CBLN2: variants seen among roughly 807,000 people sequenced by gnomAD.
The protein encoded by CBLN2 is cerebellin-2.
CBLN2 carries 7 observed loss-of-function variants against 15.0 expected under a neutral mutation model. The observed-to-expected ratio is 0.47, with a 90% confidence interval of 0.27 to 0.88. The LOEUF is 0.88. Among genes scored for constraint, CBLN2 ranks in the 40% least tolerant of loss-of-function variants. The probability of loss-of-function intolerance (pLI) is 0.14; values close to 1 mark genes in which losing one functional copy is unlikely to be tolerated. For missense variants in CBLN2, 242 were observed against 304.5 expected (o/e 0.79, Z 1.53); for synonymous variants, 149 against 135.2 (o/e 1.10, Z -0.71).
intron 1 of CBLN2, among the ~76,000 whole-genome samples, chr18:72,611,553 T>C (rs1399628468): frequency 1.3e-5 from 2 of 152,320 alleles, no homozygotes; most frequent in East Asian, 3.9e-4. Context: ...TTTTGAGAAG[T>C]GTCTGTTCAT....
intron 1 of CBLN2, among the ~76,000 whole-genome samples, chr18:72,636,869 T>A (rs2069816396): frequency 6.6e-6 from 1 of 152,116 alleles, no homozygotes; most frequent in South Asian, 2.1e-4. Context: ...ATAGCTCTTG[T>A]CATTCTTACT....
intron 1 of CBLN2, among the ~76,000 whole-genome samples, chr18:72,636,469 G>A (rs1398075980): frequency 6.6e-6 from 1 of 152,138 alleles, no homozygotes; most frequent in Admixed American, 6.5e-5. Context: ...AAAGCATCCA[G>A]GGTGAGGGAT....
chr18:72,550,718 T>A (rs576557704), intron 1 of CBLN2, among the ~76,000 whole-genome samples: 8 of 152,130 alleles, frequency 5.3e-5, no homozygotes, highest in African/African-American at 9.6e-5. Flanking sequence ...TTTTTTTTTT[T>A]AATTTTGTAA....
intron 1 of CBLN2, chr18:72,618,147 G>T (rs895558838): frequency 1.2e-4 from 19 of 161,178 alleles, no homozygotes; most frequent in Non-Finnish European, 2.6e-4. Context: ...TATATTATTG[G>T]TCTTTTCAAA....
rs1329501715 is a variant in CBLN2 at position 72,625,793 on chromosome 18, T to C, written c.15+12532A>G. Among the ~76,000 whole-genome samples, 13 of 46,244 alleles carry C rather than the reference T, an allele frequency of 2.8e-4. No individual in the cohort carries two copies. The Admixed American group carries it at 3.9e-3, about 14-fold the overall frequency. 30.3% of individuals were successfully genotyped at this position (46,244 alleles called of 152,430 possible). ...ATATGACTATATATATATGACTCTC[T>C]CTCTCTCTCTCTCTCTCTCTCTCTC... is the stretch of plus-strand genomic sequence containing the variant. On this transcript the variant is annotated intron_variant, in intron 1 of 2. Coordinates refer to the CBLN2 transcript ENST00000581073.
At chr18:72,570,600 T>C (rs2069325894) in intron 1 of CBLN2, among the ~76,000 whole-genome samples, 1 of 151,760 alleles carries the variant, frequency 6.6e-6, no homozygotes. Context: ...ACACATGCAT[T>C]TTTTTTTCCA....
intron 1 of CBLN2, among the ~76,000 whole-genome samples, chr18:72,631,296 T>C (rs2069774816): frequency 6.6e-6 from 1 of 152,160 alleles, no homozygotes. Context: ...GAAAGCTTGT[T>C]TCATTTTGTT....
intron 1 of CBLN2, among the ~76,000 whole-genome samples, chr18:72,590,037 G>C (rs777983781): frequency 6.6e-6 from 1 of 152,196 alleles, no homozygotes; most frequent in African/African-American, 2.4e-5. Context: ...GGAGGCCGAG[G>C]CGGGCAGATC....
chr18:72,621,023 A>G (rs1315904269), intron 1 of CBLN2, among the ~76,000 whole-genome samples: 2 of 152,202 alleles, frequency 1.3e-5, no homozygotes, highest in African/African-American at 4.8e-5. Flanking sequence ...TGGGTAAAAT[A>G]TTGTTAATAT....
chr18:72,557,798 T>C (rs2069235829), intron 1 of CBLN2, among the ~76,000 whole-genome samples: 1 of 152,124 alleles, frequency 6.6e-6, no homozygotes, highest in Admixed American at 6.5e-5. Flanking sequence ...AAATAGCTAA[T>C]GCATGCTCGA....
intron 1 of CBLN2, among the ~76,000 whole-genome samples, chr18:72,603,752 A>C (rs2069564558): frequency 6.6e-6 from 1 of 152,194 alleles, no homozygotes; most frequent in Non-Finnish European, 1.5e-5. Context: ...TGTATCATCA[A>C]AGAAAATCAA....
At position 72,542,228 on chromosome 18, in the gene CBLN2, G is replaced by A; in HGVS notation, c.-68C>T. ...CGGCGCGAGCGGCGCGGAAGGGCGC[G>A]AAGGAACGCGCGGAGCTCGCAGCAG... On this transcript the variant is annotated 5_prime_UTR_variant, in exon 3 of 5. Coordinates refer to ENST00000269503, the MANE Select transcript of CBLN2 (RefSeq NM_182511.4). 2 of 1,065,196 alleles carry A rather than the reference G, an allele frequency of 1.9e-6. No homozygotes were observed. Among genetic ancestry groups the A allele is most frequent in the Non-Finnish European group, 2.3e-6 (2 of 856,300 alleles). 66.0% of individuals were successfully genotyped at this position (1,065,196 alleles called of 1,614,324 possible).
At chr18:72,580,358 C>T (rs970909526) in intron 1 of CBLN2, among the ~76,000 whole-genome samples, 1 of 152,070 alleles carries the variant, frequency 6.6e-6, no homozygotes, top group Non-Finnish European at 1.5e-5. Flanking sequence ...TATTCCATTG[C>T]AAACACATAC....
At chr18:72,600,898 T>C (rs772244982) in intron 1 of CBLN2, among the ~76,000 whole-genome samples, 2 of 152,152 alleles carry the variant, frequency 1.3e-5, no homozygotes, top group Non-Finnish European at 2.9e-5. Flanking sequence ...ACATGACCTG[T>C]TGAGTCACAA....
intron 1 of CBLN2, among the ~76,000 whole-genome samples, chr18:72,563,890 C>A (rs916496363): frequency 1.3e-5 from 2 of 152,236 alleles, no homozygotes; most frequent in African/African-American, 2.4e-5. Flanking sequence ...GTCATACAAA[C>A]TCCTACAGAG....
At chr18:72,634,585 T>C (rs1428764094) in intron 1 of CBLN2, among the ~76,000 whole-genome samples, 1 of 152,130 alleles carries the variant, frequency 6.6e-6, no homozygotes, top group African/African-American at 2.4e-5. Flanking sequence ...TATTCTATAA[T>C]ATAACATGCC....
intron 1 of CBLN2, among the ~76,000 whole-genome samples, chr18:72,598,640 G>A (rs1272044033): frequency 3.3e-5 from 5 of 152,202 alleles, no homozygotes; most frequent in Non-Finnish European, 7.3e-5. Flanking sequence ...AGGAGTTGTA[G>A]TCCTTGTGTC....
At chr18:72,589,472 C>A (rs1952132472) in intron 1 of CBLN2, among the ~76,000 whole-genome samples, 3 of 152,074 alleles carry the variant, frequency 2.0e-5, no homozygotes, top group Admixed American at 2.0e-4. Flanking sequence ...AGTTAGCATA[C>A]CACATATGGG....
chr18:72,634,570 A>G (rs552086290), intron 1 of CBLN2, among the ~76,000 whole-genome samples: 18 of 152,276 alleles, frequency 1.2e-4, no homozygotes, highest in African/African-American at 3.8e-4. Context: ...GGACGTGCAG[A>G]TAAGTATTCT....
Sources: allele counts gnomAD v4.1 joint callset (sites outside exome capture counted in the v4.1 genomes callset), GRCh38; gene constraint gnomAD v4.1.1; transcripts MANE v1.5; gene names NCBI Gene and HGNC (gene_info 2026-07-23, HGNC 2026-07-21).